Variants in ROS1 observed in about 807,000 individuals in gnomAD.
ROS1 encodes the protein proto-oncogene tyrosine-protein kinase ROS.
In ROS1, 263 loss-of-function variants were observed where a neutral mutation model predicts 273.5. That is an observed-to-expected ratio of 0.96 (90% CI 0.87 to 1.06). ROS1 has a LOEUF of 1.06. ROS1 is among the 50% of genes least tolerant of loss of function. The probability of loss-of-function intolerance (pLI) is 0.00; values close to 1 mark genes in which losing one functional copy is unlikely to be tolerated. For synonymous variants in ROS1, 1,008 were observed against 954.1 expected (o/e 1.06, Z -1.04); for missense variants, 2,833 against 2,751.1 (o/e 1.03, Z -0.67).
intron 22 of ROS1, among the ~76,000 whole-genome samples, chr6:117,361,056 G>C (rs1196206449): frequency 6.6e-6 from 1 of 152,028 alleles, no homozygotes; most frequent in Non-Finnish European, 1.5e-5. Context: ...ACTAAGAGTA[G>C]AAACTGGACC....
chr6:117,392,687 C>T (rs559483933), intron 12 of ROS1, among the ~76,000 whole-genome samples: 7 of 152,242 alleles, frequency 4.6e-5, no homozygotes, highest in Non-Finnish European at 1.0e-4. Context: ...AGCAAGACTG[C>T]GGTACAATGT....
At chr6:117,365,247 T>G in intron 20 of ROS1, 43 bp from the exon 21 acceptor site, 1 of 1,501,754 alleles carries the variant, frequency 6.7e-7, no homozygotes, top group Non-Finnish European at 9.0e-7. Flanking sequence ...GGGAGAGAAT[T>G]ATAAAATCTT....
chr6:117,307,813 T>C (rs1421161729), intron 42 of ROS1, among the ~76,000 whole-genome samples: 2 of 152,142 alleles, frequency 1.3e-5, no homozygotes, highest in African/African-American at 2.4e-5. Context: ...ATCCTCTAAA[T>C]AACACAGCAT....
At position 117,378,720 on chromosome 6, in the gene ROS1, T is replaced by C. The variant is rs141777045; in HGVS notation, c.2582+339A>G. Among the ~76,000 whole-genome samples, 402 of 152,242 alleles carry C rather than the reference T, an allele frequency of 2.6e-3. 2 individuals carry two copies. Among genetic ancestry groups the C allele is most frequent in the African/African-American group, 8.8e-3 (364 of 41,554 alleles). ...TCATGTGGTCCCTTTCACTCTCTAATTTTCATTTAAGACATCACAGGAAGA... is the reference window on the plus strand; with the variant it reads ...TCATGTGGTCCCTTTCACTCTCTAACTTTCATTTAAGACATCACAGGAAGA... On this transcript the variant is annotated intron_variant, in intron 18 of 43. Transcript: ENST00000368507.
rs1245485639 is a variant in ROS1 at position 117,414,512 on chromosome 6, A to G, written c.255+7T>C. 1.3e-6 allele frequency: 1 copy of G among 742,424 alleles called. No homozygotes were observed. The highest frequency in any genetic ancestry group is 2.3e-4 in the Middle Eastern group (1 of 4,336). 46.0% of individuals were successfully genotyped at this position (742,424 alleles called of 1,614,324 possible). On this transcript the variant is annotated splice_region_variant and intron_variant, in intron 4 of 43. Transcript: ENST00000368507. ...TGATTACATCTTTTTTGTGATTGCC[A>G]ACTCACCTCACAAACGGTGGCATAA... is the stretch of plus-strand genomic sequence containing the variant.
intron 31 of ROS1, among the ~76,000 whole-genome samples, chr6:117,339,918 T>C (rs147313823): frequency 6.6e-6 from 1 of 152,268 alleles, no homozygotes; most frequent in African/African-American, 2.4e-5. Context: ...GGGGTTTTTC[T>C]CTGCCTGGTG....
At chr6:117,305,529 G>A (rs563470273) in intron 42 of ROS1, among the ~76,000 whole-genome samples, 9 of 151,920 alleles carry the variant, frequency 5.9e-5, no homozygotes, top group Non-Finnish European at 1.3e-4. Flanking sequence ...TTAATTTTCT[G>A]ATGACAAACA....
In ROS1 at chr6:117,362,624, G is replaced by A; in HGVS notation, c.3345C>T (p.Pro1115=). ...VMSFQLEGMS[P]RCFIAFQVRA... ...ATACCTGGAAGGCAATAAAGCATCTGGGACTCATGCCTTCAAGTTGAAAAG... is the reference window on the plus strand; with the variant it reads ...ATACCTGGAAGGCAATAAAGCATCTAGGACTCATGCCTTCAAGTTGAAAAG... Residue 1115 remains proline, a synonymous_variant, in exon 22 of 44, where the codon CCC becomes CCT. Coordinates refer to ENST00000368507, the MANE Select transcript of ROS1 (RefSeq NM_001378902.1). 1.2e-6 allele frequency: 2 copies of A among 1,613,362 alleles called. No individual in the cohort carries two copies. Among genetic ancestry groups the A allele is most frequent in the Non-Finnish European group, 1.7e-6 (2 of 1,179,588 alleles).
intron 17 of ROS1, among the ~76,000 whole-genome samples, chr6:117,382,884 T>A (rs1358862137): frequency 2.9e-4 from 44 of 152,104 alleles, no homozygotes; most frequent in Admixed American, 2.8e-3. Context: ...AGTGAAATCA[T>A]TTGCCTAGTT....
intron 18 of ROS1, among the ~76,000 whole-genome samples, chr6:117,373,949 A>T (rs189982525): frequency 6.6e-6 from 1 of 152,384 alleles, no homozygotes; most frequent in East Asian, 1.9e-4. Context: ...AAGATAAAAG[A>T]CTTCTACAAA....
At chr6:117,302,113 T>C (rs1294916551) in intron 42 of ROS1, among the ~76,000 whole-genome samples, 1 of 152,152 alleles carries the variant, frequency 6.6e-6, no homozygotes. Context: ...GCAGAAAAAT[T>C]GTAAGTATTT....
At chr6:117,378,996 C>A in intron 18 of ROS1, 63 bp downstream of exon 18, 1 of 924,422 alleles carries the variant, frequency 1.1e-6, no homozygotes, top group African/African-American at 1.7e-5. Flanking sequence ...AATTTCCATG[C>A]ATTATCATTT....
chr6:117,372,829 T>C lies in ROS1; in HGVS notation c.2582+6230A>G, dbSNP rs184984901. ...GAGCAAAAGAACAAAGCTTCTACAC[T>C]GTGGAAAAGGATCCATTCGGGTTGC... On this transcript the variant is annotated intron_variant, in intron 18 of 43. Transcript: ENST00000368507. 3.3e-3 allele frequency among the ~76,000 whole-genome samples: 503 copies of C among 152,356 alleles called. 3 individuals are homozygous for C. Among genetic ancestry groups the C allele is most frequent in the Non-Finnish European group, 5.0e-3 (339 of 68,028 alleles).
At chr6:117,332,798 G>A (rs1031606291) in intron 32 of ROS1, among the ~76,000 whole-genome samples, 1 of 152,160 alleles carries the variant, frequency 6.6e-6, no homozygotes, top group Non-Finnish European at 1.5e-5. Flanking sequence ...TGAAACAAAT[G>A]AGAACAGAGA....
chr6:117,366,380 G>GTA, intron 18 of ROS1, 90 bp from the exon 19 acceptor site: 2 of 839,168 alleles, frequency 2.4e-6, no homozygotes, highest in Admixed American at 3.7e-5. Context: ...ATGTTTGTGA[G>GTA]TATCTGTACG....
In ROS1 at chr6:117,341,594, A is replaced by G. The variant is rs192730088; in HGVS notation, c.4690T>C (p.Ser1564Pro). 33 of 1,613,676 alleles carry G rather than the reference A, an allele frequency of 2.0e-5. No homozygotes were observed. In the African/African-American group the frequency reaches 4.4e-4, roughly 22 times the overall value. ...CAAGATATAATGAGGCTGGTGTCTGACCGCACAGTTGTATTAATGAGCTGC... is the reference window on the plus strand; with the variant it reads ...CAAGATATAATGAGGCTGGTGTCTGGCCGCACAGTTGTATTAATGAGCTGC... ...AVQLINTTVR[S>P]DTSLIISWRE... The change falls in exon 30 of 44, where the codon TCA becomes CCA. Residue 1564 changes from serine to proline, a missense_variant. Ser to Pro is a moderately conservative substitution (Grantham distance 74). Transcript: ENST00000368507.
Position 117,369,906 on chromosome 6 carries a change from C to T in ROS1, c.2583-3616G>A, listed in dbSNP as rs966702009. 5.9e-5 allele frequency among the ~76,000 whole-genome samples: 9 copies of T among 151,918 alleles called. No individual in the cohort carries two copies. In the South Asian group the frequency reaches 6.2e-4, roughly 11 times the overall value. ...ATAAATATCTATCTACATGCATCCACGTGCATACACATATATATACACATC... is the reference window on the plus strand; with the variant it reads ...ATAAATATCTATCTACATGCATCCATGTGCATACACATATATATACACATC... On this transcript the variant is annotated intron_variant, in intron 18 of 43. Transcript: ENST00000368507.
chr6:117,374,105 A>G (rs985353933), intron 18 of ROS1, among the ~76,000 whole-genome samples: 9 of 152,374 alleles, frequency 5.9e-5, no homozygotes, highest in South Asian at 2.1e-4. Flanking sequence ...CCATTGAAAT[A>G]CCAGCATCAT....
intron 10 of ROS1, 129 bp from the exon 11 acceptor site, chr6:117,394,475 ATTC>A: frequency 2.5e-6 from 2 of 815,250 alleles, no homozygotes; most frequent in Non-Finnish European, 3.4e-6. Flanking sequence ...AAAAGAAAAT[ATTC>A]TTCTAAATTA....
Sources: gnomAD v4.1 joint callset for allele counts (sites outside exome capture counted in the v4.1 genomes callset) on GRCh38, gnomAD v4.1.1 for gene constraint, MANE v1.5 for transcripts, NCBI Gene and HGNC (gene_info 2026-07-23, HGNC 2026-07-21) for gene names.